Variants in DOCK4 observed in about 807,000 individuals in gnomAD.
DOCK4 encodes the protein dedicator of cytokinesis protein 4.
In DOCK4, 97 loss-of-function variants were observed where a neutral mutation model predicts 268.1. The ratio of observed to expected loss-of-function variants is 0.36; its 90% CI spans 0.31 to 0.43. The LOEUF (loss-of-function observed/expected upper bound fraction) is 0.43, where lower values mean the gene tolerates loss of function less well. Among genes scored for constraint, DOCK4 ranks in the 20% least tolerant of loss-of-function variants. The pLI is 1.00. For missense variants in DOCK4, 2,145 were observed against 2,455.7 expected, an observed-to-expected ratio of 0.87 and a Z score of 2.67; for synonymous variants, 954 against 887.2, an observed-to-expected ratio of 1.08 and a Z score of -1.34.
intron 36 of DOCK4, among the ~76,000 whole-genome samples, chr7:111,771,142 A>AT (rs1798099526): frequency 6.6e-6 from 1 of 152,236 alleles, no homozygotes; most frequent in Non-Finnish European, 1.5e-5. Context: ...CAAACAATAA[A>AT]TTTAGGCCTC....
At chr7:111,863,804 G>A (rs1322994102) in intron 22 of DOCK4, among the ~76,000 whole-genome samples, 3 of 152,178 alleles carry the variant, frequency 2.0e-5, no homozygotes, top group Non-Finnish European at 4.4e-5. Context: ...GAAAATCACT[G>A]ACATTAGCAA....
At chr7:111,979,666 G>A (rs957226736) in intron 7 of DOCK4, among the ~76,000 whole-genome samples, 2 of 152,080 alleles carry the variant, frequency 1.3e-5, no homozygotes, top group South Asian at 2.1e-4. Context: ...ATGAAGAACC[G>A]AATGACTACT....
intron 52 of DOCK4, 124 bp downstream of exon 52, chr7:111,732,102 C>G: frequency 9.3e-6 from 9 of 970,772 alleles, no homozygotes; most frequent in Non-Finnish European, 1.4e-5. Flanking sequence ...TCCCCTATCC[C>G]TGATTGATAA....
intron 1 of DOCK4, among the ~76,000 whole-genome samples, chr7:112,043,706 A>C (rs954874888): frequency 1.3e-5 from 2 of 151,954 alleles, no homozygotes; most frequent in African/African-American, 4.8e-5. Context: ...CCCTGGATAG[A>C]GGGGATTTGA....
At chr7:112,084,819 C>T (rs1015492291) in intron 1 of DOCK4, among the ~76,000 whole-genome samples, 32 of 152,154 alleles carry the variant, frequency 2.1e-4, no homozygotes, top group African/African-American at 7.7e-4. Flanking sequence ...AGGCACTTCC[C>T]GTGTGACCGG....
At chr7:112,036,754 G>A (rs564786870) in intron 1 of DOCK4, among the ~76,000 whole-genome samples, 4 of 151,046 alleles carry the variant, frequency 2.6e-5, no homozygotes, top group South Asian at 2.1e-4. Flanking sequence ...TCCACCACCC[G>A]GGTTCAAACG....
chr7:112,052,458 TC>T (rs906150050), intron 1 of DOCK4, among the ~76,000 whole-genome samples: 6 of 152,094 alleles, frequency 3.9e-5, no homozygotes, highest in South Asian at 2.1e-4. Flanking sequence ...TTCCCCTTCT[TC>T]CCCCCCTCAC....
chr7:112,140,764 C>T (rs780796211), intron 1 of DOCK4, among the ~76,000 whole-genome samples: 2 of 151,924 alleles, frequency 1.3e-5, no homozygotes, highest in Non-Finnish European at 2.9e-5. Flanking sequence ...TCAAAGAAGG[C>T]TTTGGGAGAA....
intron 23 of DOCK4, 136 bp from the exon 24 acceptor site, chr7:111,847,262 A>G: frequency 9.0e-7 from 1 of 1,116,842 alleles, no homozygotes. Context: ...TTAGTTCTAC[A>G]AGGTTTATAT....
chr7:112,038,776 A>C (rs1804079772), intron 1 of DOCK4, among the ~76,000 whole-genome samples: 1 of 152,248 alleles, frequency 6.6e-6, no homozygotes, highest in African/African-American at 2.4e-5. Context: ...CTAAGGAAAG[A>C]ACATAACCTT....
chr7:111,972,240 C>G (rs1460008634), intron 8 of DOCK4, among the ~76,000 whole-genome samples: 1 of 152,114 alleles, frequency 6.6e-6, no homozygotes, highest in Non-Finnish European at 1.5e-5. Flanking sequence ...TACTGAAGTG[C>G]TTAGGCAGTG....
chr7:112,018,804 G>T (rs1364716224), intron 1 of DOCK4, among the ~76,000 whole-genome samples: 1 of 149,552 alleles, frequency 6.7e-6, no homozygotes, highest in African/African-American at 2.5e-5. Context: ...CCAAACAAAT[G>T]AGATAAATTT....
intron 8 of DOCK4, among the ~76,000 whole-genome samples, chr7:111,960,352 A>G (rs1796771861): frequency 6.7e-6 from 1 of 148,842 alleles, no homozygotes; most frequent in Non-Finnish European, 1.5e-5. Flanking sequence ...CAACAGAGCG[A>G]GGCTCTGTCT....
At position 111,905,710 on chromosome 7, in the gene DOCK4, T is replaced by TGC. The variant is rs1554365551; in HGVS notation, c.1193-3911_1193-3910dup. Among the ~76,000 whole-genome samples the TGC allele has an allele frequency of 6.7e-3, 1,010 of 151,864 alleles. 16 individuals carry two copies. The highest frequency in any genetic ancestry group is 0.023 in the African/African-American group (944 of 41,290). ...GTGTGTGTGTGTGTGTGTGTGTGTG[T>TGC]GCACGTGTATTGCGTATACACACAC... On this transcript the variant is annotated intron_variant, in intron 13 of 52. Transcript: ENST00000428084.
intron 8 of DOCK4, among the ~76,000 whole-genome samples, chr7:111,973,156 CATATATATATAT>C (rs144045255): frequency 1.7e-4 from 19 of 114,050 alleles, no homozygotes; most frequent in East Asian, 5.4e-4. Flanking sequence ...TATTCCATGG[CATATATATATAT>C]ATATATATAT....
At chr7:111,893,649 T>C (rs1461994393) in intron 16 of DOCK4, among the ~76,000 whole-genome samples, 2 of 152,328 alleles carry the variant, frequency 1.3e-5, no homozygotes, top group Middle Eastern at 3.4e-3. Flanking sequence ...CTAGTATATG[T>C]AGTTCCTCTG....
chr7:112,153,159 T>C (rs7805703), intron 1 of DOCK4, among the ~76,000 whole-genome samples: 74,335 of 152,028 alleles, frequency 0.49, 18,519 homozygotes, highest in East Asian at 0.69. Flanking sequence ...TTTATGCCTT[T>C]GTTACTACCA....
intron 10 of DOCK4, among the ~76,000 whole-genome samples, chr7:111,944,187 A>G (rs1409021150): frequency 6.6e-6 from 1 of 152,228 alleles, no homozygotes; most frequent in East Asian, 1.9e-4. Context: ...GTTCTGCAAG[A>G]TGTTAATAAG....
intron 1 of DOCK4, among the ~76,000 whole-genome samples, chr7:112,044,915 C>A (rs188680318): frequency 9.6e-4 from 146 of 152,164 alleles, no homozygotes; most frequent in Non-Finnish European, 1.9e-3. Flanking sequence ...AGCCCTCAGA[C>A]CATGAGCCTC....
Sources: gnomAD v4.1 joint callset for allele counts (sites outside exome capture counted in the v4.1 genomes callset) on GRCh38, gnomAD v4.1.1 for gene constraint, MANE v1.5 for transcripts, NCBI Gene and HGNC (gene_info 2026-07-23, HGNC 2026-07-21) for gene names.